The following BEND4 variants were observed in gnomAD, a reference collection of about 807,000 sequenced individuals.
BEND4 encodes BEN domain-containing protein 4.
Under a neutral mutation model 54.7 loss-of-function variants are expected in BEND4, and 27 were observed. The ratio of observed to expected loss-of-function variants is 0.49; its 90% CI spans 0.36 to 0.68. BEND4 has a LOEUF of 0.68. Ranked by LOEUF, BEND4 falls within the 30% of genes least tolerant of loss-of-function variation. BEND4 has a pLI of 0.00. For synonymous variants in BEND4, 327 were observed against 299.5 expected (o/e 1.09, Z -0.95); for missense variants, 702 against 697.2 (o/e 1.01, Z -0.08).
In BEND4 at chr4:42,120,036, A is replaced by T. The variant is rs769197942; in HGVS notation, c.1387+18T>A. On this transcript the variant is annotated intron_variant, in intron 5 of 5. Coordinates refer to ENST00000502486, the MANE Select transcript of BEND4 (RefSeq NM_207406.4). ...AATGAGATCACAGATGGTGACACTGAGCGGAAGGATGCAGTACCTCGGAGG... is the reference window on the plus strand; with the variant it reads ...AATGAGATCACAGATGGTGACACTGTGCGGAAGGATGCAGTACCTCGGAGG... 4.3e-6 allele frequency: 7 copies of T among 1,613,904 alleles called. No homozygotes were observed. Among genetic ancestry groups the T allele is most frequent in the Non-Finnish European group, 5.9e-6 (7 of 1,179,858 alleles).
At chr4:42,128,404 A>G (rs1720369393) in intron 3 of BEND4, among the ~76,000 whole-genome samples, 1 of 152,158 alleles carries the variant, frequency 6.6e-6, no homozygotes, top group African/African-American at 2.4e-5. Context: ...CAGGCCGATC[A>G]CGAGGTCAGG....
chr4:42,142,067 C>T (rs561426440), intron 3 of BEND4, among the ~76,000 whole-genome samples: 14 of 151,578 alleles, frequency 9.2e-5, no homozygotes, highest in South Asian at 4.2e-4. Flanking sequence ...CCATGCCTGG[C>T]GACTTTTGTG....
At chr4:42,127,470 A>T (rs1476334900) in intron 3 of BEND4, among the ~76,000 whole-genome samples, 1 of 152,166 alleles carries the variant, frequency 6.6e-6, no homozygotes, top group Non-Finnish European at 1.5e-5. Context: ...TAAAAGTCCA[A>T]CCCTTTTTAC....
chr4:42,148,370 T>A, intron 2 of BEND4, among the ~76,000 whole-genome samples: 1 of 152,198 alleles, frequency 6.6e-6, no homozygotes, highest in Non-Finnish European at 1.5e-5. Context: ...GTTAATATAC[T>A]CGGTGCTATC....
chr4:42,122,114 G>A (rs1312393153), intron 4 of BEND4, among the ~76,000 whole-genome samples: 1 of 152,140 alleles, frequency 6.6e-6, no homozygotes, highest in Non-Finnish European at 1.5e-5. Flanking sequence ...CTTAAGCTTA[G>A]TAACTGTCAC....
rs1720986666 is a variant in BEND4 at position 42,143,916 on chromosome 4, AG to A, written c.565del (p.Leu189TrpfsTer9). ...CATGGACTGAGAATGGTTGGAGTCC[AG>A]GAGTTTTCCTCCACAATTTAAGAGG... Reference protein sequence around the residue: ...LSLLNCGGKLLDSNHSQSMIS... With the variant: ...LSLLNCGGKLXDSNHSQSMIS... On this transcript the variant is annotated frameshift_variant, in exon 3 of 6. Coordinates refer to ENST00000502486, the MANE Select transcript of BEND4 (RefSeq NM_207406.4). LOFTEE classifies it high-confidence loss of function. 6.5e-7 allele frequency: 1 copy of A among 1,538,118 alleles called. No individual in the cohort carries two copies. Among genetic ancestry groups the A allele is most frequent in the Non-Finnish European group, 8.7e-7 (1 of 1,146,506 alleles).
At chr4:42,120,423 A>G in intron 4 of BEND4, 129 bp from the exon 5 acceptor site, 1 of 1,171,550 alleles carries the variant, frequency 8.5e-7, no homozygotes, top group Admixed American at 2.3e-5. Flanking sequence ...CAGGTATTGA[A>G]GTGCGCAAAT....
intron 3 of BEND4, among the ~76,000 whole-genome samples, chr4:42,137,953 G>T (rs1006188857): frequency 6.6e-6 from 1 of 152,198 alleles, no homozygotes; most frequent in African/African-American, 2.4e-5. Flanking sequence ...ACAAGTGTTG[G>T]TGAGTGTATG....
At chr4:42,144,991 G>A (rs992274951) in intron 2 of BEND4, among the ~76,000 whole-genome samples, 1 of 152,198 alleles carries the variant, frequency 6.6e-6, no homozygotes, top group Non-Finnish European at 1.5e-5. Flanking sequence ...ACAGAAGCAT[G>A]AGGATGTCTC....
intron 3 of BEND4, among the ~76,000 whole-genome samples, chr4:42,126,574 C>T (rs1211387560): frequency 2.0e-5 from 3 of 152,204 alleles, no homozygotes; most frequent in Non-Finnish European, 4.4e-5. Flanking sequence ...CTTATAGACT[C>T]ATTGAATAAT....
intron 2 of BEND4, among the ~76,000 whole-genome samples, chr4:42,144,795 C>T (rs1721021656): frequency 6.6e-6 from 1 of 152,142 alleles, no homozygotes; most frequent in Non-Finnish European, 1.5e-5. Flanking sequence ...TATTGTCAAC[C>T]ATTGAAAGCA....
Position 42,116,706 on chromosome 4 carries a change from A to T in BEND4, c.*812T>A, listed in dbSNP as rs539809781. On this transcript the variant is annotated 3_prime_UTR_variant, in exon 6 of 6. Transcript: ENST00000502486. ...TGCACCAAACAACTAATTGCTTTAA[A>T]TTTTCATTGTTCTACCCATCACTTT... The T allele has an allele frequency of 1.2e-4, 19 of 152,302 alleles. No homozygotes were observed. The highest frequency in any genetic ancestry group is 4.6e-4 in the African/African-American group (19 of 41,566). The allele number at this position is 152,302 out of a possible 1,614,324, so 9.4% of individuals were successfully genotyped here. A position where few individuals can be genotyped will look rare whatever the true frequency, so the allele number is the denominator to read the frequency against.
At chr4:42,142,279 T>C (rs183187912) in intron 3 of BEND4, among the ~76,000 whole-genome samples, 3 of 151,666 alleles carry the variant, frequency 2.0e-5, no homozygotes, top group East Asian at 3.9e-4. Context: ...TTAATGATCT[T>C]AATGTCTTCT....
chr4:42,138,214 CTG>C (rs1390645009), intron 3 of BEND4, among the ~76,000 whole-genome samples: 2 of 152,092 alleles, frequency 1.3e-5, no homozygotes, highest in Admixed American at 1.3e-4. Flanking sequence ...GATAAAGAAA[CTG>C]TGGTATATTA....
rs544801909 is a variant in BEND4 at position 42,139,019 on chromosome 4, G to A, written c.1054+4409C>T. On this transcript the variant is annotated intron_variant, in intron 3 of 5. Coordinates refer to ENST00000502486, the MANE Select transcript of BEND4 (RefSeq NM_207406.4). ...TGCCCTCTTTTATGAGTTCTCCTTA[G>A]TGTTGACTAAGCTTCCTAAGTAAAT... Among the ~76,000 whole-genome samples, 3 of 152,218 alleles carry A rather than the reference G, an allele frequency of 2.0e-5. No individual in the cohort carries two copies. The South Asian group carries it at 6.2e-4, about 32-fold the overall frequency.
At chr4:42,136,067 C>T (rs781598501) in intron 3 of BEND4, among the ~76,000 whole-genome samples, 4 of 152,160 alleles carry the variant, frequency 2.6e-5, no homozygotes, top group Non-Finnish European at 4.4e-5. Flanking sequence ...CCCTATCATT[C>T]GCTGTAATAC....
At chr4:42,129,903 A>G (rs1490150671) in intron 3 of BEND4, among the ~76,000 whole-genome samples, 1 of 152,246 alleles carries the variant, frequency 6.6e-6, no homozygotes, top group Non-Finnish European at 1.5e-5. Flanking sequence ...AAATTGACAG[A>G]TAGGATCCAA....
intron 3 of BEND4, among the ~76,000 whole-genome samples, chr4:42,143,104 G>A (rs889198241): frequency 7.9e-5 from 12 of 152,178 alleles, no homozygotes; most frequent in African/African-American, 7.2e-5. Context: ...CAATGTCAAA[G>A]CAGCACATCA....
At chr4:42,132,806 C>T (rs1349210133) in intron 3 of BEND4, among the ~76,000 whole-genome samples, 4 of 152,044 alleles carry the variant, frequency 2.6e-5, no homozygotes, top group African/African-American at 4.8e-5. Context: ...ACCCATTGGG[C>T]ATGTTTTACT....
Sources: allele counts gnomAD v4.1 joint callset (sites outside exome capture counted in the v4.1 genomes callset), GRCh38; gene constraint gnomAD v4.1.1; transcripts MANE v1.5; gene names NCBI Gene and HGNC (gene_info 2026-07-23, HGNC 2026-07-21).